The following AQP7 variants were observed in gnomAD, a reference collection of about 807,000 sequenced individuals.
AQP7 encodes aquaporin 7.
A neutral mutation model predicts 26.1 loss-of-function variants in AQP7; 22 were observed. The ratio of observed to expected loss-of-function variants is 0.84; its 90% CI spans 0.60 to 1.20. The LOEUF (loss-of-function observed/expected upper bound fraction) is 1.20, where lower values mean the gene tolerates loss of function less well. AQP7 is among the 50% of genes most tolerant of loss of function. The pLI is 0.00. For synonymous variants in AQP7, 167 were observed against 181.7 expected (o/e 0.92, Z 0.65); for missense variants, 412 against 457.5 (o/e 0.90, Z 0.91).
intron 3 of AQP7, among the ~76,000 whole-genome samples, chr9:33,392,841 A>G (rs1334447719): frequency 6.6e-6 from 1 of 152,170 alleles, no homozygotes. Context: ...GGACCAATAC[A>G]TGGGTACCAC....
intron 3 of AQP7, among the ~76,000 whole-genome samples, chr9:33,389,525 A>C (rs1587109591): frequency 6.6e-6 from 1 of 152,176 alleles, no homozygotes; most frequent in Non-Finnish European, 1.5e-5. Flanking sequence ...AGGATTTTGG[A>C]TATATGGGTT....
At chr9:33,390,121 G>C (rs1418116284) in intron 3 of AQP7, among the ~76,000 whole-genome samples, 1 of 152,098 alleles carries the variant, frequency 6.6e-6, no homozygotes, top group Non-Finnish European at 1.5e-5. Context: ...GCGGGGGAGA[G>C]AGAACATGAT....
In AQP7 at chr9:33,390,080, G is replaced by A. The variant is rs191126174; in HGVS notation, c.145-2988C>T. Among the ~76,000 whole-genome samples the A allele has an allele frequency of 2.4e-3, 364 of 151,962 alleles. 1 individual carries two copies. Among genetic ancestry groups the A allele is most frequent in the African/African-American group, 8.3e-3 (345 of 41,464 alleles). On this transcript the variant is annotated intron_variant, in intron 3 of 7. Coordinates refer to ENST00000297988, the MANE Select transcript of AQP7 (RefSeq NM_001170.3). ...AGAAAAAGAGTTGAAAGACACCAGT[G>A]TAGACTCCTCTTCGAGAACTCGCCT... is the stretch of plus-strand genomic sequence containing the variant.
chr9:33,385,663 G>T lies in AQP7; in HGVS notation c.729C>A (p.Gly243=), dbSNP rs141492515. 39 of 1,613,448 alleles carry T rather than the reference G, an allele frequency of 2.4e-5. No individual in the cohort carries two copies. Among genetic ancestry groups the T allele is most frequent in the Non-Finnish European group, 5.1e-6 (6 of 1,180,010 alleles). The change falls in exon 7 of 8, where the codon GGC becomes GGA. Residue 243 remains glycine (G), a synonymous_variant. Coordinates refer to ENST00000297988, the MANE Select transcript of AQP7 (RefSeq NM_001170.3). ...PRIFTFIAGW[G]KQVFSNGENW... ...AGGGGCAGTACCTGAAGACCTGTTT[G>T]CCCCAACCAGCAATGAAGGTGAAGA... is the stretch of plus-strand genomic sequence containing the variant.
At chr9:33,390,622 G>A (rs1383720244) in intron 3 of AQP7, among the ~76,000 whole-genome samples, 2 of 152,130 alleles carry the variant, frequency 1.3e-5, no homozygotes, top group Non-Finnish European at 2.9e-5. Flanking sequence ...CCCAGAGCTA[G>A]GCTGGCTTCA....
chr9:33,394,712 G>A (rs1437969516), intron 3 of AQP7, among the ~76,000 whole-genome samples: 1 of 151,904 alleles, frequency 6.6e-6, no homozygotes, highest in African/African-American at 2.4e-5. Context: ...TGGCCAGGCT[G>A]GTTTCGAACT....
At chr9:33,393,488 C>T (rs1329295006) in intron 3 of AQP7, among the ~76,000 whole-genome samples, 1 of 152,222 alleles carries the variant, frequency 6.6e-6, no homozygotes, top group Non-Finnish European at 1.5e-5. Context: ...ACCACACACA[C>T]AAACAGCCTC....
intron 2 of AQP7, among the ~76,000 whole-genome samples, chr9:33,399,922 G>A (rs191151020): frequency 2.0e-4 from 31 of 152,242 alleles, no homozygotes; most frequent in East Asian, 5.8e-4. Flanking sequence ...AGACATGGGG[G>A]AGAGGGAAGT....
intron 2 of AQP7, among the ~76,000 whole-genome samples, chr9:33,395,921 A>G (rs1156578335): frequency 6.6e-6 from 1 of 152,238 alleles, no homozygotes; most frequent in East Asian, 1.9e-4. Flanking sequence ...TAGATGTGCA[A>G]TAAGTATTTG....
At chr9:33,390,923 G>A (rs200863088) in intron 3 of AQP7, among the ~76,000 whole-genome samples, 2 of 152,130 alleles carry the variant, frequency 1.3e-5, no homozygotes, top group Non-Finnish European at 2.9e-5. Context: ...CTGCCTGGCC[G>A]ACATGGTGAA....
intron 2 of AQP7, among the ~76,000 whole-genome samples, chr9:33,400,603 G>T (rs545633704): frequency 6.6e-6 from 1 of 152,094 alleles, no homozygotes; most frequent in Admixed American, 6.6e-5. Context: ...CGAACATGGC[G>T]AAACCCCATT....
intron 3 of AQP7, among the ~76,000 whole-genome samples, chr9:33,391,921 G>A (rs553206515): frequency 8.5e-5 from 13 of 152,326 alleles, no homozygotes; most frequent in Admixed American, 7.8e-4. Flanking sequence ...ACCTGAAAGT[G>A]AGGACCTTAC....
At chr9:33,386,216 A>C (rs747231224) in intron 5 of AQP7, 21 bp from the exon 6 acceptor site, 2 of 1,613,870 alleles carry the variant, frequency 1.2e-6, no homozygotes, top group Non-Finnish European at 1.7e-6. Flanking sequence ...ACAGACTGTC[A>C]TGCGAACCTG....
At chr9:33,392,784 A>G (rs997061256) in intron 3 of AQP7, among the ~76,000 whole-genome samples, 1 of 152,222 alleles carries the variant, frequency 6.6e-6, no homozygotes, top group Admixed American at 6.5e-5. Context: ...AAGGAGGGCT[A>G]GAGGCAGAGA....
Position 33,384,891 on chromosome 9 carries a change from T to A in AQP7, c.*114A>T. ...GGCTAAGACATAGCCCTGGAGCTCC[T>A]GTAAGAACCCAGGAGGGAAGCCCAA... On this transcript the variant is annotated 3_prime_UTR_variant, in exon 8 of 8. Coordinates refer to ENST00000297988, the MANE Select transcript of AQP7 (RefSeq NM_001170.3). 7.8e-7 allele frequency: 1 copy of A among 1,280,534 alleles called. No homozygotes were observed. The highest frequency in any genetic ancestry group is 1.4e-5 in the South Asian group (1 of 70,326). The allele number at this position is 1,280,534 out of a possible 1,614,324, so 79.3% of individuals were successfully genotyped here.
chr9:33,387,431 C>T (rs1376996112), intron 3 of AQP7, among the ~76,000 whole-genome samples: 3 of 152,088 alleles, frequency 2.0e-5, no homozygotes, highest in Non-Finnish European at 4.4e-5. Context: ...ATGCATTGCA[C>T]CCCCTCAGAG....
intron 3 of AQP7, among the ~76,000 whole-genome samples, chr9:33,391,101 G>A (rs199910435): frequency 6.6e-6 from 1 of 152,058 alleles, no homozygotes; most frequent in African/African-American, 2.4e-5. Flanking sequence ...GGTGAGACTC[G>A]GTCTCAAAAT....
rs1440987368 is a variant in AQP7, at chr9:33,386,100, A to G, written c.502T>C (p.Leu168=). 14 of 1,613,578 alleles carry G rather than the reference A, an allele frequency of 8.7e-6. No homozygotes were observed. The highest frequency in any genetic ancestry group is 1.1e-5 in the Non-Finnish European group (13 of 1,179,854). Residue 168 remains leucine (L), a synonymous_variant, in exon 6 of 8, where the codon TTG becomes CTG. Transcript: ENST00000297988. ...FATYLPDHMT[L]WRGFLNEAWL... is the part of the protein sequence containing the mutation. ...ACCTCATTCAGGAAGCCCCGCCACA[A>G]TGTCATGTGATCAGGAAGGTAGGTG...
intron 5 of AQP7, 35 bp downstream of exon 5, chr9:33,386,369 G>A (rs1824788069): frequency 1.2e-6 from 2 of 1,609,160 alleles, no homozygotes; most frequent in East Asian, 2.2e-5. Context: ...GGAGGCGGCT[G>A]AGGCCAGAGG....
Sources: gnomAD v4.1 joint callset for allele counts (sites outside exome capture counted in the v4.1 genomes callset) on GRCh38, gnomAD v4.1.1 for gene constraint, MANE v1.5 for transcripts, NCBI Gene and HGNC (gene_info 2026-07-23, HGNC 2026-07-21) for gene names.